Variants in OSBPL10 observed in about 807,000 individuals in gnomAD.
The protein encoded by OSBPL10 is oxysterol binding protein like 10, also known as oxysterol-binding protein-related protein 10.
In OSBPL10, 49 loss-of-function variants were observed where a neutral mutation model predicts 81.7. The observed-to-expected ratio is 0.60, with a 90% CI of 0.48 to 0.76. OSBPL10 has a LOEUF of 0.76. Among genes scored for constraint, OSBPL10 ranks in the 30% least tolerant of loss-of-function variants. The pLI is 0.00. For missense variants in OSBPL10, 923 were observed against 987.8 expected, an observed-to-expected ratio of 0.93 and a Z score of 0.88; for synonymous variants, 419 against 383.6, an observed-to-expected ratio of 1.09 and a Z score of -1.08.
intron 1 of OSBPL10, among the ~76,000 whole-genome samples, chr3:31,951,821 T>C (rs947493771): frequency 6.6e-6 from 1 of 152,060 alleles, no homozygotes; most frequent in African/African-American, 2.4e-5. Flanking sequence ...ACACATCCAG[T>C]TAAGTGAAAG....
chr3:31,923,769 A>C (rs530965835), intron 1 of OSBPL10, among the ~76,000 whole-genome samples: 3 of 152,326 alleles, frequency 2.0e-5, no homozygotes, highest in African/African-American at 4.8e-5. Flanking sequence ...CCTCAATGAC[A>C]GAGCGAGATC....
chr3:31,662,872 G>A, intron 11 of OSBPL10: 1 of 985,432 alleles, frequency 1.0e-6, no homozygotes, highest in Non-Finnish European at 1.2e-6. Flanking sequence ...CCTCACAGAA[G>A]GATCTTTCAA....
chr3:31,757,280 C>T (rs759547768), intron 4 of OSBPL10, among the ~76,000 whole-genome samples: 24 of 152,022 alleles, frequency 1.6e-4, no homozygotes, highest in African/African-American at 2.4e-4. Context: ...GTCCCTAATC[C>T]GGTATGACTG....
At chr3:32,073,306 A>T (rs1699846788) in intron 1 of OSBPL10, among the ~76,000 whole-genome samples, 1 of 152,106 alleles carries the variant, frequency 6.6e-6, no homozygotes, top group Admixed American at 6.5e-5. Context: ...TCCCAGCCAT[A>T]TGAAGACACC....
intron 1 of OSBPL10, among the ~76,000 whole-genome samples, chr3:31,890,944 T>C (rs778364286): frequency 6.6e-6 from 1 of 152,122 alleles, no homozygotes; most frequent in Non-Finnish European, 1.5e-5. Flanking sequence ...AAAATTCTGA[T>C]ACTAGCTAAA....
intron 4 of OSBPL10, among the ~76,000 whole-genome samples, chr3:31,763,844 G>A (rs970582883): frequency 2.6e-5 from 4 of 152,148 alleles, no homozygotes; most frequent in Non-Finnish European, 4.4e-5. Flanking sequence ...TTGAGCTTTA[G>A]CAAATGAAAC....
intron 5 of OSBPL10, among the ~76,000 whole-genome samples, chr3:31,733,866 T>C (rs1183814079): frequency 6.6e-6 from 1 of 151,584 alleles, no homozygotes; most frequent in Non-Finnish European, 1.5e-5. Context: ...AAAAATTAGC[T>C]GGGCGTGGTG....
intron 1 of OSBPL10, among the ~76,000 whole-genome samples, chr3:31,904,675 C>A (rs1466930452): frequency 6.6e-6 from 1 of 152,192 alleles, no homozygotes; most frequent in Non-Finnish European, 1.5e-5. Context: ...ACAGTTTACT[C>A]TCTGGGAACA....
At chr3:31,683,603 G>C (rs1311777944) in intron 8 of OSBPL10, 31 bp downstream of exon 8, 2 of 1,594,032 alleles carry the variant, frequency 1.3e-6, no homozygotes, top group Admixed American at 1.7e-5. Context: ...CACTGTGTAA[G>C]AGCCAAACTC....
chr3:31,951,027 C>T (rs1298491811), intron 1 of OSBPL10, among the ~76,000 whole-genome samples: 1 of 152,098 alleles, frequency 6.6e-6, no homozygotes, highest in Non-Finnish European at 1.5e-5. Flanking sequence ...ACTAACACAC[C>T]AACAATTCAA....
chr3:31,886,219 T>C (rs1448507235), intron 1 of OSBPL10, among the ~76,000 whole-genome samples: 1 of 151,814 alleles, frequency 6.6e-6, no homozygotes, highest in Non-Finnish European at 1.5e-5. Flanking sequence ...AAAGTGAAAA[T>C]TAAAACAACA....
intron 6 of OSBPL10, among the ~76,000 whole-genome samples, chr3:31,731,099 T>C (rs1455882329): frequency 1.3e-5 from 2 of 151,842 alleles, no homozygotes; most frequent in Non-Finnish European, 2.9e-5. Context: ...TGGATGTCGC[T>C]AGTTTTTTTA....
intron 2 of OSBPL10, among the ~76,000 whole-genome samples, chr3:32,015,102 G>A (rs1168108073): frequency 2.0e-5 from 3 of 152,076 alleles, no homozygotes; most frequent in Admixed American, 1.3e-4. Flanking sequence ...CCACTTTAAA[G>A]TTCATATGGA....
At chr3:31,883,540 TTG>T (rs1695649816) in intron 1 of OSBPL10, among the ~76,000 whole-genome samples, 1 of 94,830 alleles carries the variant, frequency 1.1e-5, no homozygotes, top group African/African-American at 4.7e-5. Context: ...TTTTTTTTTG[TTG>T]TTTTTTTTTT....
chr3:31,733,797 A>G (rs539751977), intron 5 of OSBPL10, among the ~76,000 whole-genome samples: 1 of 141,886 alleles, frequency 7.0e-6, no homozygotes, highest in African/African-American at 2.6e-5. Context: ...GTAGATCATG[A>G]GGTCAGATCG....
chr3:31,663,153 A>AG (rs1364243290), intron 11 of OSBPL10: 1 of 985,332 alleles, frequency 1.0e-6, no homozygotes, highest in Non-Finnish European at 1.2e-6. Context: ...AGCAGAAGTC[A>AG]GGGGTTACCA....
chr3:31,789,843 C>T (rs112339726), intron 4 of OSBPL10, among the ~76,000 whole-genome samples: 3,882 of 152,298 alleles, frequency 0.025, 78 homozygotes, highest in Middle Eastern at 0.034. Flanking sequence ...AAAGAGGATA[C>T]TTCTTCCTTG....
intron 10 of OSBPL10, among the ~76,000 whole-genome samples, chr3:31,665,532 G>A (rs1700168549): frequency 6.6e-6 from 1 of 152,152 alleles, no homozygotes; most frequent in Non-Finnish European, 1.5e-5. Flanking sequence ...GTGAACTAGG[G>A]ACAGCCAGCA....
chr3:32,044,954 C>A (rs1446034939), intron 2 of OSBPL10, among the ~76,000 whole-genome samples: 1 of 152,120 alleles, frequency 6.6e-6, no homozygotes, highest in African/African-American at 2.4e-5. Context: ...CTAGGCCTAA[C>A]TCAAAATGAA....
Sources: gnomAD v4.1 joint callset for allele counts (sites outside exome capture counted in the v4.1 genomes callset) on GRCh38, gnomAD v4.1.1 for gene constraint, MANE v1.5 for transcripts, NCBI Gene and HGNC (gene_info 2026-07-23, HGNC 2026-07-21) for gene names.